The following LAMA1 variants were observed in gnomAD, a reference collection of about 807,000 sequenced individuals.
LAMA1 encodes laminin subunit alpha-1.
In LAMA1, 219 loss-of-function variants were observed where a neutral mutation model predicts 348.7. The ratio of observed to expected loss-of-function variants is 0.63; its 90% CI spans 0.56 to 0.70. The LOEUF is 0.70. LAMA1 is among the 30% of genes least tolerant of loss of function. The pLI, the probability that LAMA1 is intolerant of heterozygous loss-of-function variation, is 0.00. For missense variants in LAMA1, 3,744 were observed against 3,888.0 expected, an observed-to-expected ratio of 0.96 and a Z score of 0.99; for synonymous variants, 1,487 against 1,491.0, an observed-to-expected ratio of 1.00 and a Z score of 0.06.
At chr18:7,017,856 TC>T (rs1424764402) in intron 19 of LAMA1, among the ~76,000 whole-genome samples, 1 of 152,216 alleles carries the variant, frequency 6.6e-6, no homozygotes, top group Non-Finnish European at 1.5e-5. Flanking sequence ...AAATATGATA[TC>T]CCAGTTCTAA....
rs2057543091 is a variant in LAMA1 at position 6,950,852 on chromosome 18, A to G, written c.8327T>C (p.Met2776Thr). ...TGTTCTGCCTTTGCCAAGGTCAAAC[A>G]TGAAGTGGAGGCGGCCCCCGTGCAG... is the stretch of plus-strand genomic sequence containing the variant. ...LQLHGGRLHF[M>T]FDLGKGRTKV... The change falls in exon 58 of 63, where the codon ATG becomes ACG. Residue 2776 changes from methionine (M) to threonine (T), a missense_variant. Met to Thr is a moderately conservative substitution (Grantham distance 81). This residue lies in a region of LAMA1 where 1,983 missense variants were observed against 1,934.3 expected (regional missense o/e 1.03). Coordinates refer to ENST00000389658, the MANE Select transcript of LAMA1 (RefSeq NM_005559.4). The G allele has an allele frequency of 6.2e-7, 1 of 1,614,172 alleles. No homozygotes were observed. The highest frequency in any genetic ancestry group is 8.5e-7 in the Non-Finnish European group (1 of 1,180,018).
chr18:7,087,657 ATTT>A (rs2058223104), intron 1 of LAMA1, among the ~76,000 whole-genome samples: 1 of 152,182 alleles, frequency 6.6e-6, no homozygotes, highest in African/African-American at 2.4e-5. Context: ...ATGTATTTGG[ATTT>A]TGTTGGAATC....
At chr18:6,998,351 C>A (rs902410208) in intron 32 of LAMA1, among the ~76,000 whole-genome samples, 2 of 152,150 alleles carry the variant, frequency 1.3e-5, no homozygotes, top group Non-Finnish European at 2.9e-5. Context: ...GGAAGTAAGG[C>A]AGAACTGGAG....
In LAMA1 at chr18:6,949,081, G is replaced by A; in HGVS notation, c.8556+20C>T. ...CGAACACAACGAAGGTAAAATGTCAGTATGGAAAATGCTGCTTACATTTCC... is the reference window on the plus strand; with the variant it reads ...CGAACACAACGAAGGTAAAATGTCAATATGGAAAATGCTGCTTACATTTCC... On this transcript the variant is annotated intron_variant, in intron 59 of 62. Coordinates refer to ENST00000389658, the MANE Select transcript of LAMA1 (RefSeq NM_005559.4). 4 of 1,614,080 alleles carry A rather than the reference G, an allele frequency of 2.5e-6. No individual in the cohort carries two copies. Among genetic ancestry groups the A allele is most frequent in the Non-Finnish European group, 3.4e-6 (4 of 1,179,968 alleles).
In LAMA1 at chr18:7,080,320, G is replaced by A. The variant is rs765249034; in HGVS notation, c.199C>T (p.Arg67Trp). The A allele has an allele frequency of 1.5e-5, 24 of 1,614,224 alleles. No individual in the cohort carries two copies. The highest frequency in any genetic ancestry group is 3.3e-5 in the South Asian group (3 of 91,078). Residue 67 changes from arginine (R) to tryptophan (W), a missense_variant, in exon 2 of 63, where the codon CGG (arginine) becomes TGG (tryptophan). By Grantham distance (101) the Arg-to-Trp change is moderately radical. Coordinates refer to ENST00000389658, the MANE Select transcript of LAMA1 (RefSeq NM_005559.4). ...TTTGCGCTGTTGCCATCACAGATCC[G>A]GCACTGTGGGTTTCGGACGGGCCGA... is the stretch of plus-strand genomic sequence containing the variant. ...PGRPVRNPQC[R>W]ICDGNSANPR... is the part of the protein sequence containing the mutation.
intron 1 of LAMA1, among the ~76,000 whole-genome samples, chr18:7,098,008 C>T (rs906320544): frequency 4.7e-5 from 7 of 149,562 alleles, no homozygotes; most frequent in Admixed American, 6.7e-5. Flanking sequence ...TGCAGGCTCG[C>T]GCCGCCACGC....
At chr18:7,023,051 C>T in intron 19 of LAMA1, 113 bp downstream of exon 19, 1 of 1,127,844 alleles carries the variant, frequency 8.9e-7, no homozygotes, top group East Asian at 2.6e-5. Context: ...GCAAGTAACC[C>T]CTCAAGAGAG....
At chr18:7,033,455 C>CAAAAAA (rs10686154) in intron 14 of LAMA1, among the ~76,000 whole-genome samples, 12 of 109,886 alleles carry the variant, frequency 1.1e-4, no homozygotes, top group African/African-American at 3.7e-4. Context: ...GACTCTGTCT[C>CAAAAAA]AAAAAAAAAA....
At chr18:7,024,792 T>G (rs1289014819) in intron 17 of LAMA1, among the ~76,000 whole-genome samples, 1 of 152,174 alleles carries the variant, frequency 6.6e-6, no homozygotes, top group Non-Finnish European at 1.5e-5. Flanking sequence ...AGCTGATGCT[T>G]CCTCCAGGAG....
At chr18:7,068,399 A>G (rs900833033) in intron 3 of LAMA1, among the ~76,000 whole-genome samples, 1 of 152,204 alleles carries the variant, frequency 6.6e-6, no homozygotes, top group Non-Finnish European at 1.5e-5. Flanking sequence ...CTTAATGTGA[A>G]TCCGATCGTT....
At chr18:6,979,086 C>T (rs2057696527) in intron 42 of LAMA1, among the ~76,000 whole-genome samples, 1 of 152,018 alleles carries the variant, frequency 6.6e-6, no homozygotes, top group Non-Finnish European at 1.5e-5. Flanking sequence ...ATACAGGTGG[C>T]CTTTTTACTT....
intron 3 of LAMA1, among the ~76,000 whole-genome samples, chr18:7,054,265 A>G (rs1334912443): frequency 6.6e-6 from 1 of 152,170 alleles, no homozygotes; most frequent in East Asian, 1.9e-4. Flanking sequence ...TCATTTAACA[A>G]GACATCCTTG....
intron 3 of LAMA1, among the ~76,000 whole-genome samples, chr18:7,067,143 G>A (rs2058125999): frequency 6.6e-6 from 1 of 152,180 alleles, no homozygotes. Flanking sequence ...CTGGACACAG[G>A]ATATAAACAA....
rs1313521761 is a variant in LAMA1, at chr18:6,974,971, C to T, written c.6555G>A (p.Gly2185=). Residue 2185 remains glycine, a synonymous_variant, in exon 46 of 63, where the codon GGG becomes GGA. Coordinates refer to ENST00000389658, the MANE Select transcript of LAMA1 (RefSeq NM_005559.4). The part of the protein sequence containing the change: ...RVAFLWDLGS[G]STRLEFPDFP... ...AGTCTGGAAACTCCAAGCGTGTGGA[C>T]CCGGAGCCCAGGTCCCACAGGAAGG... is the stretch of plus-strand genomic sequence containing the variant. 2 of 1,614,008 alleles carry T rather than the reference C, an allele frequency of 1.2e-6. No homozygotes were observed. Among genetic ancestry groups the T allele is most frequent in the African/African-American group, 1.3e-5 (1 of 74,980 alleles).
At chr18:7,110,887 CT>C (rs1193197504) in intron 1 of LAMA1, among the ~76,000 whole-genome samples, 10 of 60,506 alleles carry the variant, frequency 1.7e-4, no homozygotes, top group African/African-American at 8.3e-4. Flanking sequence ...TTTTTTTTCC[CT>C]CCCCCCCCCC....
chr18:7,071,986 G>C (rs1222991029), intron 3 of LAMA1, among the ~76,000 whole-genome samples: 1 of 152,192 alleles, frequency 6.6e-6, no homozygotes, highest in Admixed American at 6.5e-5. Context: ...GCATAGAATT[G>C]TAGGCAAATG....
chr18:7,037,680 T>TG lies in LAMA1; in HGVS notation c.1634dup (p.Leu546ThrfsTer34), dbSNP rs758546447. 6.2e-7 allele frequency: 1 copy of TG among 1,614,162 alleles called. No individual in the cohort carries two copies. Among genetic ancestry groups the TG allele is most frequent in the South Asian group, 1.1e-5 (1 of 91,086 alleles). On this transcript the variant is annotated frameshift_variant, in exon 12 of 63. Coordinates refer to ENST00000389658, the MANE Select transcript of LAMA1 (RefSeq NM_005559.4). LOFTEE classifies it high-confidence loss of function. Reference sequence around the variant, plus strand: ...TGCTGACCTGATGGCGCCCGCCTAGTGCATCTTGCTGAGACGGGATCTTCC... The same window carrying TG: ...TGCTGACCTGATGGCGCCCGCCTAGTGGCATCTTGCTGAGACGGGATCTTCC...
At chr18:6,956,538 G>T in intron 56 of LAMA1, 98 bp downstream of exon 56, 2 of 1,565,060 alleles carry the variant, frequency 1.3e-6, no homozygotes, top group Non-Finnish European at 1.7e-6. Flanking sequence ...TCCAGCTTTC[G>T]CAGGCACCTT....
chr18:6,986,720 G>C lies in LAMA1; in HGVS notation c.5169-373C>G, dbSNP rs2144061187. Among the ~76,000 whole-genome samples, 2 of 152,214 alleles carry C rather than the reference G, an allele frequency of 1.3e-5. 1 individual carries two copies. Among genetic ancestry groups the C allele is most frequent in the South Asian group, 4.2e-4 (2 of 4,816 alleles). Reference sequence around the variant, plus strand: ...TGTGTATTTCAAGTTAAGCCGGTTAGGATGACCACAAGCAGGCACAAGTCT... The same window carrying C: ...TGTGTATTTCAAGTTAAGCCGGTTACGATGACCACAAGCAGGCACAAGTCT... On this transcript the variant is annotated intron_variant, in intron 36 of 62. Coordinates refer to ENST00000389658, the MANE Select transcript of LAMA1 (RefSeq NM_005559.4).
Sources: gnomAD v4.1 joint callset for allele counts (sites outside exome capture counted in the v4.1 genomes callset) on GRCh38, gnomAD v4.1.1 for gene constraint, gnomAD v4.1.1 regional missense constraint, MANE v1.5 for transcripts, NCBI Gene and HGNC (gene_info 2026-07-23, HGNC 2026-07-21) for gene names.